SH3GL2: variants seen among roughly 807,000 people sequenced by gnomAD.
SH3GL2 encodes the protein endophilin-A1.
In SH3GL2, 24 loss-of-function variants were observed where a neutral mutation model predicts 46.0. The observed-to-expected ratio is 0.52, with a 90% CI of 0.38 to 0.73. SH3GL2 has a LOEUF of 0.73. Among genes scored for constraint, SH3GL2 ranks in the 30% least tolerant of loss-of-function variants. The pLI is 0.00. For synonymous variants in SH3GL2, 196 were observed against 147.1 expected, an observed-to-expected ratio of 1.33 and a Z score of -2.40; for missense variants, 413 against 424.2, an observed-to-expected ratio of 0.97 and a Z score of 0.23.
At chr9:17,786,874 TG>T (rs1823974213) in intron 4 of SH3GL2, among the ~76,000 whole-genome samples, 1 of 152,144 alleles carries the variant, frequency 6.6e-6, no homozygotes, top group Non-Finnish European at 1.5e-5. Flanking sequence ...AAGCCCTCCC[TG>T]CCTCATGGCC....
At chr9:17,716,988 C>G (rs1821777402) in intron 1 of SH3GL2, among the ~76,000 whole-genome samples, 1 of 152,078 alleles carries the variant, frequency 6.6e-6, no homozygotes, top group African/African-American at 2.4e-5. Flanking sequence ...GAGGTTAAAC[C>G]TAGTCCCTCT....
chr9:17,690,266 C>T (rs1821041541), intron 1 of SH3GL2, among the ~76,000 whole-genome samples: 1 of 152,088 alleles, frequency 6.6e-6, no homozygotes, highest in Admixed American at 6.6e-5. Flanking sequence ...TGGACCTGTC[C>T]TTTTACTGCA....
At chr9:17,795,161 T>G (rs1195422591) in intron 8 of SH3GL2, among the ~76,000 whole-genome samples, 1 of 152,356 alleles carries the variant, frequency 6.6e-6, no homozygotes. Flanking sequence ...CTTGCCATGC[T>G]GTGTTATTAA....
chr9:17,760,950 A>G (rs1563843227), intron 2 of SH3GL2, among the ~76,000 whole-genome samples: 4 of 152,212 alleles, frequency 2.6e-5, no homozygotes, highest in African/African-American at 7.2e-5. Context: ...GCATTAACCA[A>G]AAGTTCAAGG....
intron 1 of SH3GL2, among the ~76,000 whole-genome samples, chr9:17,739,334 A>G (rs1032067712): frequency 1.6e-4 from 25 of 151,748 alleles, no homozygotes; most frequent in Non-Finnish European, 3.1e-4. Flanking sequence ...TTTTTTTCTC[A>G]AGGGGATTTA....
intron 1 of SH3GL2, among the ~76,000 whole-genome samples, chr9:17,672,985 A>G (rs1232256088): frequency 1.3e-5 from 2 of 151,982 alleles, no homozygotes; most frequent in African/African-American, 4.8e-5. Context: ...CTGCTCTGTC[A>G]TGTCTTGGGT....
At chr9:17,675,615 C>G (rs1378467132) in intron 1 of SH3GL2, among the ~76,000 whole-genome samples, 2 of 152,164 alleles carry the variant, frequency 1.3e-5, no homozygotes, top group African/African-American at 4.8e-5. Flanking sequence ...ATGCTGTATC[C>G]AGCACTGTTA....
chr9:17,583,650 G>C lies in SH3GL2; in HGVS notation c.45+4363G>C, dbSNP rs528996795. On this transcript the variant is annotated intron_variant, in intron 1 of 8. Transcript: ENST00000380607. Reference sequence around the variant, plus strand: ...ATACCTATTATAAATTGTGTTTTCTGATTTTTTTAAATGATAAAATTAATT... The same window carrying C: ...ATACCTATTATAAATTGTGTTTTCTCATTTTTTTAAATGATAAAATTAATT... Among the ~76,000 whole-genome samples, 68 of 152,222 alleles carry C rather than the reference G, an allele frequency of 4.5e-4. 1 individual carries two copies. In the South Asian group the frequency reaches 0.013, roughly 30 times the overall value.
intron 1 of SH3GL2, among the ~76,000 whole-genome samples, chr9:17,685,397 T>A (rs1219339945): frequency 6.6e-6 from 1 of 152,056 alleles, no homozygotes; most frequent in African/African-American, 2.4e-5. Context: ...CTTCTTAAAG[T>A]TGCTGAATGT....
At chr9:17,743,528 T>A (rs1370627192) in intron 1 of SH3GL2, among the ~76,000 whole-genome samples, 1 of 151,248 alleles carries the variant, frequency 6.6e-6, no homozygotes, top group Non-Finnish European at 1.5e-5. Context: ...CACTCCTCCC[T>A]CCTTCTTCCT....
At chr9:17,604,795 C>G (rs1463501421) in intron 1 of SH3GL2, among the ~76,000 whole-genome samples, 9 of 152,120 alleles carry the variant, frequency 5.9e-5, no homozygotes, top group African/African-American at 9.7e-5. Flanking sequence ...CAGGCATGCT[C>G]AGCTCTGACC....
chr9:17,787,537 A>C, intron 5 of SH3GL2, 24 bp downstream of exon 5: 1 of 1,603,720 alleles, frequency 6.2e-7, no homozygotes. Flanking sequence ...GTCTTCTGGA[A>C]AGTGGGCAGT....
At chr9:17,646,803 T>G (rs1010105495) in intron 1 of SH3GL2, among the ~76,000 whole-genome samples, 2 of 152,202 alleles carry the variant, frequency 1.3e-5, no homozygotes, top group Non-Finnish European at 2.9e-5. Context: ...TTATGAGATG[T>G]CTGTCGACCC....
Position 17,793,519 on chromosome 9 carries a change from C to G in SH3GL2, c.859+22C>G, listed in dbSNP as rs1041940418. ...TCAGGTAAGAGCTGAAACTGCAGAT[C>G]CTATTGCATAGCCCTTGGCATATCC... On this transcript the variant is annotated intron_variant, in intron 8 of 8. Transcript: ENST00000380607. 13 of 1,611,268 alleles carry G rather than the reference C, an allele frequency of 8.1e-6. No individual in the cohort carries two copies. In the African/African-American group the frequency reaches 1.5e-4, roughly 18 times the overall value.
At chr9:17,666,813 C>T (rs117523537) in intron 1 of SH3GL2, among the ~76,000 whole-genome samples, 1,814 of 151,996 alleles carry the variant, frequency 0.012, 38 homozygotes, top group Admixed American at 0.014. Flanking sequence ...AATGTAAGTA[C>T]TTTTGTTAGA....
chr9:17,644,254 C>G (rs936536744), intron 1 of SH3GL2, among the ~76,000 whole-genome samples: 1 of 151,982 alleles, frequency 6.6e-6, no homozygotes, highest in African/African-American at 2.4e-5. Context: ...GGCTAGCCAT[C>G]TATCTAGTTT....
intron 1 of SH3GL2, among the ~76,000 whole-genome samples, chr9:17,592,844 C>T (rs967358788): frequency 6.6e-6 from 1 of 152,212 alleles, no homozygotes; most frequent in Middle Eastern, 3.4e-3. Flanking sequence ...GGGGACTGTT[C>T]ACCAGAAAGA....
At chr9:17,607,691 G>A (rs879875552) in intron 1 of SH3GL2, among the ~76,000 whole-genome samples, 6 of 152,166 alleles carry the variant, frequency 3.9e-5, no homozygotes, top group Admixed American at 3.3e-4. Flanking sequence ...ACATCATACT[G>A]TATGGTCTGC....
chr9:17,702,280 G>T (rs1588255392), intron 1 of SH3GL2, among the ~76,000 whole-genome samples: 1 of 152,024 alleles, frequency 6.6e-6, no homozygotes, highest in East Asian at 1.9e-4. Flanking sequence ...AGATTTAAAT[G>T]TTAATGAATG....
Sources: allele counts gnomAD v4.1 joint callset (sites outside exome capture counted in the v4.1 genomes callset), GRCh38; gene constraint gnomAD v4.1.1; transcripts MANE v1.5; gene names NCBI Gene and HGNC (gene_info 2026-07-23, HGNC 2026-07-21).